Variants in MORN1 observed in about 807,000 individuals in gnomAD.
The protein encoded by MORN1 is MORN repeat containing 1, also known as MORN repeat-containing protein 1.
MORN1 carries 67 observed loss-of-function variants against 61.9 expected under a neutral mutation model. The observed-to-expected ratio is 1.08, with a 90% CI of 0.89 to 1.33. MORN1 has a LOEUF of 1.33. MORN1 is among the 40% of genes most tolerant of loss of function. The probability of loss-of-function intolerance (pLI) is 0.00; values close to 1 mark genes in which losing one functional copy is unlikely to be tolerated. For missense variants in MORN1, 752 were observed against 691.2 expected (o/e 1.09, Z -0.99); for synonymous variants, 301 against 292.0 (o/e 1.03, Z -0.31).
chr1:2,362,808 G>A (rs1030212739), intron 8 of MORN1, among the ~76,000 whole-genome samples: 2 of 151,994 alleles, frequency 1.3e-5, no homozygotes, highest in Non-Finnish European at 2.9e-5. Flanking sequence ...AGGTTGCAGT[G>A]AGCCGAGATC....
intron 13 of MORN1, chr1:2,322,435 C>G (rs769078833): frequency 1.1e-5 from 11 of 985,248 alleles, no homozygotes; most frequent in African/African-American, 1.7e-5. Flanking sequence ...GCGCTCCCCT[C>G]GCAGAGCGGC....
At chr1:2,382,239 A>G (rs1642388740) in intron 6 of MORN1, among the ~76,000 whole-genome samples, 2 of 152,154 alleles carry the variant, frequency 1.3e-5, no homozygotes, top group African/African-American at 4.8e-5. Context: ...GGGCCATGAG[A>G]CAGGCCCTGA....
At chr1:2,355,372 C>A (rs1641740722) in intron 10 of MORN1, 4 of 1,540,512 alleles carry the variant, frequency 2.6e-6, no homozygotes, top group Non-Finnish European at 3.5e-6. Context: ...TGCCTGCATG[C>A]TCTTTTATAT....
intron 12 of MORN1, among the ~76,000 whole-genome samples, chr1:2,324,852 G>A (rs940935505): frequency 2.0e-5 from 3 of 152,014 alleles, no homozygotes; most frequent in Non-Finnish European, 4.4e-5. Context: ...ACAGCGCCTC[G>A]GGGCACCCAC....
chr1:2,332,879 G>A (rs1641189213), intron 12 of MORN1: 2 of 375,820 alleles, frequency 5.3e-6, no homozygotes, highest in South Asian at 2.0e-5. Context: ...GAGGGGCCAA[G>A]CTCTGTCGGG....
intron 13 of MORN1, chr1:2,322,992 C>T (rs1161237056): frequency 3.0e-6 from 3 of 985,334 alleles, no homozygotes; most frequent in African/African-American, 1.7e-5. Context: ...CCCCAAGTGG[C>T]CCCTGAATCG....
intron 10 of MORN1, chr1:2,351,998 A>G (rs1569972718): frequency 4.0e-6 from 2 of 500,966 alleles, no homozygotes; most frequent in Non-Finnish European, 3.8e-6. Context: ...CAGGAATGAG[A>G]CCCCCTCCAC....
At chr1:2,371,288 C>T (rs1490647060) in intron 8 of MORN1, 2 of 152,290 alleles carry the variant, frequency 1.3e-5, no homozygotes, top group African/African-American at 4.8e-5. Context: ...GCACCTCAGC[C>T]TCCCGAAGTG....
intron 10 of MORN1, among the ~76,000 whole-genome samples, chr1:2,338,924 C>A (rs899060621): frequency 3.9e-5 from 6 of 151,922 alleles, no homozygotes; most frequent in Non-Finnish European, 8.8e-5. Context: ...GTAAAGGGAG[C>A]CCTCCCTGCG....
chr1:2,338,603 G>A (rs559332960), intron 10 of MORN1, among the ~76,000 whole-genome samples: 4 of 152,300 alleles, frequency 2.6e-5, no homozygotes, highest in Admixed American at 1.3e-4. Flanking sequence ...ACACGGTGGC[G>A]GGGGCTTCAG....
chr1:2,321,527 G>A lies in MORN1; in HGVS notation c.1350C>T (p.Arg450=). ...RDVTTPPFLG[R]RLPPAFKHLR... is the part of the protein sequence containing the mutation. ...GGTGTTTGAAGGCCGGGGGCAGCCT[G>A]CGCCCCAGGAACGGCGGGGTGGTCA... Residue 450 remains arginine, a synonymous_variant, in exon 14 of 14, where the codon CGC becomes CGT. Coordinates refer to ENST00000378531, the MANE Select transcript of MORN1 (RefSeq NM_024848.3). 2 of 1,537,040 alleles carry A rather than the reference G, an allele frequency of 1.3e-6. No homozygotes were observed. Among genetic ancestry groups the A allele is most frequent in the Non-Finnish European group, 8.8e-7 (1 of 1,141,376 alleles).
chr1:2,323,587 C>T, intron 13 of MORN1: 2 of 985,308 alleles, frequency 2.0e-6, no homozygotes, highest in Non-Finnish European at 2.4e-6. Context: ...GGAGGAGGCC[C>T]CACGGCTGAG....
intron 12 of MORN1, chr1:2,332,886 C>T (rs371557333): frequency 8.1e-6 from 3 of 368,336 alleles, no homozygotes; most frequent in East Asian, 7.3e-5. Flanking sequence ...CAAGCTCTGT[C>T]GGGGACTGGG....
intron 4 of MORN1, 36 bp from the exon 5 acceptor site, chr1:2,385,933 G>A: frequency 6.4e-7 from 1 of 1,568,864 alleles, no homozygotes. Context: ...TTGGCTTTGT[G>A]CCTCCTCCTG....
intron 6 of MORN1, chr1:2,376,521 G>A (rs1042657956): frequency 1.3e-5 from 2 of 152,358 alleles, no homozygotes; most frequent in Non-Finnish European, 2.9e-5. Context: ...TGAGTACCCA[G>A]TGAGGCTGTG....
intron 10 of MORN1, among the ~76,000 whole-genome samples, chr1:2,346,416 C>T (rs1044202271): frequency 2.6e-5 from 4 of 152,336 alleles, no homozygotes; most frequent in African/African-American, 7.2e-5. Flanking sequence ...GACAAAGTCT[C>T]GCTCTGTCGC....
chr1:2,340,025 C>T (rs1021595740), intron 10 of MORN1, among the ~76,000 whole-genome samples: 3 of 152,240 alleles, frequency 2.0e-5, no homozygotes, highest in South Asian at 2.1e-4. Flanking sequence ...TCCAAGGCTG[C>T]GCCTGGGCTC....
At chr1:2,345,829 CCACACACACA>C (rs57669691) in intron 10 of MORN1, among the ~76,000 whole-genome samples, 5,860 of 149,090 alleles carry the variant, frequency 0.039, 374 homozygotes, top group African/African-American at 0.13. Flanking sequence ...ATGTATGCGG[CCACACACACA>C]CACACACACA....
Position 2,384,982 on chromosome 1 carries a change from T to C in MORN1, c.533A>G (p.Tyr178Cys), listed in dbSNP as rs1348534859. Residue 178 changes from tyrosine (Y) to cysteine (C), a missense_variant, in exon 6 of 14, where the codon TAC becomes TGC. Tyr to Cys is a radical substitution (Grantham distance 194). Transcript: ENST00000378531. ...GTGCCGCGCGCCCCCGGGTACCTTG[T>C]AGGTGGAGCCGTCGGCGCAGCGCAG... is the stretch of plus-strand genomic sequence containing the variant. Reference protein sequence around the residue: ...GVLRCADGSTYKGQWHSDVFS... With the variant: ...GVLRCADGSTCKGQWHSDVFS... 1 of 1,577,604 alleles carries C rather than the reference T, an allele frequency of 6.3e-7. No homozygotes were observed. Among genetic ancestry groups the C allele is most frequent in the Non-Finnish European group, 8.6e-7 (1 of 1,162,662 alleles).
Sources: allele counts gnomAD v4.1 joint callset (sites outside exome capture counted in the v4.1 genomes callset), GRCh38; gene constraint gnomAD v4.1.1; transcripts MANE v1.5; gene names NCBI Gene and HGNC (gene_info 2026-07-23, HGNC 2026-07-21).